Variants in MECOM observed in about 807,000 individuals in gnomAD.
MECOM encodes MDS1 and EVI1 complex locus, also known as histone-lysine N-methyltransferase MECOM.
Under a neutral mutation model 116.3 loss-of-function variants are expected in MECOM, and 13 were observed. The observed-to-expected ratio is 0.11, with a 90% CI of 0.07 to 0.18. MECOM has a LOEUF of 0.18. MECOM is among the 10% of genes least tolerant of loss of function. MECOM has a pLI of 1.00. For missense variants in MECOM, 1,299 were observed against 1,509.0 expected (o/e 0.86, Z 2.31); for synonymous variants, 528 against 535.2 (o/e 0.99, Z 0.19).
intron 2 of MECOM, among the ~76,000 whole-genome samples, chr3:169,197,193 G>C: frequency 6.6e-6 from 1 of 151,842 alleles, no homozygotes; most frequent in East Asian, 1.9e-4. Context: ...GATGATGTTT[G>C]AAAAACTACC....
At chr3:169,455,317 A>T (rs1746289747) in intron 1 of MECOM, among the ~76,000 whole-genome samples, 1 of 152,134 alleles carries the variant, frequency 6.6e-6, no homozygotes. Flanking sequence ...GCACACCCTA[A>T]TTTAGGGATA....
At chr3:169,236,512 T>C (rs1259425026) in intron 2 of MECOM, among the ~76,000 whole-genome samples, 1 of 152,188 alleles carries the variant, frequency 6.6e-6, no homozygotes, top group Non-Finnish European at 1.5e-5. Context: ...AAATCTATTC[T>C]CTAATTTTTA....
chr3:169,661,312 C>G (rs1342391719), intron 1 of MECOM, among the ~76,000 whole-genome samples: 13 of 142,580 alleles, frequency 9.1e-5, no homozygotes, highest in Non-Finnish European at 1.6e-4. Context: ...AACTCCCCCC[C>G]CCACACACAC....
At chr3:169,455,109 A>T (rs1560295145) in intron 1 of MECOM, among the ~76,000 whole-genome samples, 1 of 152,208 alleles carries the variant, frequency 6.6e-6, no homozygotes, top group South Asian at 2.1e-4. Context: ...TCTAAGAAGG[A>T]TGGGGAAAAA....
At chr3:169,397,562 G>T (rs1460582677) in intron 1 of MECOM, among the ~76,000 whole-genome samples, 2 of 152,154 alleles carry the variant, frequency 1.3e-5, no homozygotes, top group Admixed American at 6.5e-5. Flanking sequence ...GCAAAGAAAA[G>T]AACATGAAGA....
At chr3:169,453,590 A>G (rs1745966931) in intron 1 of MECOM, among the ~76,000 whole-genome samples, 3 of 152,172 alleles carry the variant, frequency 2.0e-5, no homozygotes, top group African/African-American at 4.8e-5. Flanking sequence ...AGGCATAATC[A>G]ATATCATATA....
At chr3:169,093,318 T>A (rs1018792294) in intron 13 of MECOM, among the ~76,000 whole-genome samples, 2 of 152,180 alleles carry the variant, frequency 1.3e-5, no homozygotes, top group African/African-American at 4.8e-5. Context: ...ACTGAAATCA[T>A]GAAGTACAGT....
intron 2 of MECOM, among the ~76,000 whole-genome samples, chr3:169,235,240 C>T (rs1270593088): frequency 6.6e-6 from 1 of 152,164 alleles, no homozygotes; most frequent in Non-Finnish European, 1.5e-5. Context: ...CAGGACTCTA[C>T]ATAAAAGCAA....
chr3:169,263,400 T>C (rs1298168770), intron 2 of MECOM, among the ~76,000 whole-genome samples: 1 of 151,556 alleles, frequency 6.6e-6, no homozygotes, highest in Admixed American at 6.6e-5. Flanking sequence ...AGTGCTGGGA[T>C]TACAGATGTG....
At chr3:169,317,124 G>T (rs967672997) in intron 2 of MECOM, among the ~76,000 whole-genome samples, 3 of 152,080 alleles carry the variant, frequency 2.0e-5, no homozygotes, top group Non-Finnish European at 4.4e-5. Context: ...CAGGGATAAG[G>T]GTTTCAGTGG....
intron 1 of MECOM, among the ~76,000 whole-genome samples, chr3:169,644,668 T>C (rs1773934479): frequency 6.6e-6 from 1 of 152,210 alleles, no homozygotes; most frequent in African/African-American, 2.4e-5. Context: ...AACCATCATA[T>C]TCCTTTACAG....
Position 169,112,922 on chromosome 3 carries a change from A to G in MECOM, c.2490-48T>C, listed in dbSNP as rs192494735. On this transcript the variant is annotated intron_variant, in intron 8 of 16. Transcript: ENST00000651503. ...TGGAGATGAAGCAGTCTCACATATCAATCACTACATAATCACTGACATTTA... is the reference window on the plus strand; with the variant it reads ...TGGAGATGAAGCAGTCTCACATATCGATCACTACATAATCACTGACATTTA... 191 of 1,287,090 alleles carry G rather than the reference A, an allele frequency of 1.5e-4. 1 individual carries two copies. In the African/African-American group the frequency reaches 2.3e-3, roughly 16 times the overall value. The allele number at this position is 1,287,090 out of a possible 1,614,324, so 79.7% of individuals were successfully genotyped here. A position where few individuals can be genotyped will look rare whatever the true frequency, so the allele number is the denominator to read the frequency against.
At chr3:169,165,531 A>G (rs1322627807) in intron 2 of MECOM, among the ~76,000 whole-genome samples, 1 of 152,186 alleles carries the variant, frequency 6.6e-6, no homozygotes, top group East Asian at 1.9e-4. Flanking sequence ...GCTGTTACAC[A>G]TCTATTACAT....
Position 169,121,288 on chromosome 3 carries a change from G to T in MECOM, c.979-79C>A, listed in dbSNP as rs530955687. ...AAGAAGACCCGGGATGACTCAAGAAGAAATTTTTCTTATTTGTTTTGTTTT... is the reference window on the plus strand; with the variant it reads ...AAGAAGACCCGGGATGACTCAAGAATAAATTTTTCTTATTTGTTTTGTTTT... On this transcript the variant is annotated intron_variant, in intron 6 of 16. Coordinates refer to ENST00000651503, the MANE Select transcript of MECOM (RefSeq NM_004991.4). 599 of 1,395,722 alleles carry T rather than the reference G, an allele frequency of 4.3e-4. 4 individuals are homozygous for T. The South Asian group carries it at 7.2e-3, about 17-fold the overall frequency. 86.5% of individuals were successfully genotyped at this position (1,395,722 alleles called of 1,614,324 possible).
intron 1 of MECOM, among the ~76,000 whole-genome samples, chr3:169,505,417 T>C (rs995591592): frequency 4.6e-5 from 7 of 152,150 alleles, no homozygotes; most frequent in Non-Finnish European, 8.8e-5. Context: ...GCTTTATTGG[T>C]GTACATTTGC....
intron 2 of MECOM, among the ~76,000 whole-genome samples, chr3:169,362,491 A>G (rs1259228364): frequency 1.3e-5 from 2 of 151,854 alleles, no homozygotes; most frequent in African/African-American, 4.8e-5. Context: ...AACACAAACC[A>G]CTAGACATAT....
intron 1 of MECOM, among the ~76,000 whole-genome samples, chr3:169,591,565 C>T (rs746068628): frequency 2.0e-4 from 31 of 152,148 alleles, no homozygotes; most frequent in Non-Finnish European, 3.2e-4. Context: ...CAGTGAATGG[C>T]CTCTTCTGTC....
At chr3:169,646,145 A>G (rs887421300) in intron 1 of MECOM, among the ~76,000 whole-genome samples, 1 of 151,948 alleles carries the variant, frequency 6.6e-6, no homozygotes, top group African/African-American at 2.4e-5. Context: ...TCTATCACTG[A>G]TGGACATTTG....
intron 2 of MECOM, among the ~76,000 whole-genome samples, chr3:169,325,070 T>C (rs1283535135): frequency 6.6e-6 from 1 of 152,158 alleles, no homozygotes; most frequent in Non-Finnish European, 1.5e-5. Flanking sequence ...TAACCTACCA[T>C]GGGTTTGAGA....
Sources: allele counts gnomAD v4.1 joint callset (sites outside exome capture counted in the v4.1 genomes callset), GRCh38; gene constraint gnomAD v4.1.1; transcripts MANE v1.5; gene names NCBI Gene and HGNC (gene_info 2026-07-23, HGNC 2026-07-21).